The following SFMBT2 variants were observed in gnomAD, a reference collection of about 807,000 sequenced individuals.
SFMBT2 encodes Scm like with four mbt domains 2.
Under a neutral mutation model 110.1 loss-of-function variants are expected in SFMBT2, and 38 were observed. That is an observed-to-expected ratio of 0.35 (90% CI 0.27 to 0.45). The LOEUF is 0.45. SFMBT2 is among the 20% of genes least tolerant of loss of function. The pLI is 1.00. For missense variants in SFMBT2, 1,011 were observed against 1,094.9 expected (o/e 0.92, Z 1.08); for synonymous variants, 425 against 425.4 (o/e 1.00, Z 0.01).
chr10:7,177,113 C>T (rs541445425), intron 16 of SFMBT2, among the ~76,000 whole-genome samples: 2 of 152,264 alleles, frequency 1.3e-5, no homozygotes, highest in East Asian at 3.9e-4. Context: ...CGGTTGCTTT[C>T]TCCGAAGCAG....
rs7089272 is a variant in SFMBT2 at position 7,215,614 on chromosome 10, A to G, written c.1330+4797T>C. ...GCAATCAGAACCTGGGTTCACCTGC[A>G]TGGCTCACATCCATGGAGGCAGGGC... On this transcript the variant is annotated intron_variant, in intron 11 of 20. Coordinates refer to ENST00000397167, the MANE Select transcript of SFMBT2 (RefSeq NM_001387889.1). 5.1e-4 allele frequency: 499 copies of G among 985,436 alleles called. No individual in the cohort carries two copies. The African/African-American group carries it at 8.3e-3, about 16-fold the overall frequency. 61.0% of individuals were successfully genotyped at this position (985,436 alleles called of 1,614,324 possible). A position where few individuals can be genotyped will look rare whatever the true frequency, so the allele number is the denominator to read the frequency against.
chr10:7,377,181 A>G (rs1438397007), intron 2 of SFMBT2, among the ~76,000 whole-genome samples: 1 of 150,966 alleles, frequency 6.6e-6, no homozygotes, highest in Non-Finnish European at 1.5e-5. Flanking sequence ...AAAAAAAAAA[A>G]AAAAAAAAAA....
chr10:7,364,969 T>C (rs994731865), intron 4 of SFMBT2, among the ~76,000 whole-genome samples: 5 of 152,202 alleles, frequency 3.3e-5, no homozygotes, highest in African/African-American at 9.7e-5. Context: ...TCAGAAATCA[T>C]AGGTAAATTA....
chr10:7,194,942 T>C (rs1031563282), intron 15 of SFMBT2, among the ~76,000 whole-genome samples: 1 of 152,174 alleles, frequency 6.6e-6, no homozygotes, highest in Non-Finnish European at 1.5e-5. Context: ...GGTCATCTTG[T>C]GTGTTAACAG....
intron 12 of SFMBT2, chr10:7,203,577 G>T (rs888035793): frequency 1.9e-6 from 1 of 517,886 alleles, no homozygotes; most frequent in Non-Finnish European, 2.5e-6. Context: ...ATGTGAAGAG[G>T]GGAGGAAGAG....
Position 7,326,768 on chromosome 10 carries a change from C to T in SFMBT2, c.437-40814G>A, listed in dbSNP as rs1235112126. The stretch of plus-strand genomic sequence containing the variant: ...ACTCTCTAAAAAGTTCACTGGAAAA[C>T]GAAAACCTCAAATCTCTGGCTCTTT... On this transcript the variant is annotated intron_variant, in intron 4 of 20. Coordinates refer to ENST00000397167, the MANE Select transcript of SFMBT2 (RefSeq NM_001387889.1). Among the ~76,000 whole-genome samples, 11 of 152,132 alleles carry T rather than the reference C, an allele frequency of 7.2e-5. No individual in the cohort carries two copies. The East Asian group carries it at 9.6e-4, about 13-fold the overall frequency.
At chr10:7,233,712 C>G (rs531911176) in intron 9 of SFMBT2, among the ~76,000 whole-genome samples, 3 of 152,192 alleles carry the variant, frequency 2.0e-5, no homozygotes, top group Non-Finnish European at 4.4e-5. Context: ...TTTGCAATGC[C>G]TTACTCTTCC....
intron 4 of SFMBT2, among the ~76,000 whole-genome samples, chr10:7,357,234 T>C (rs1844549318): frequency 6.6e-6 from 1 of 152,084 alleles, no homozygotes. Context: ...GGGTTAATTT[T>C]ATGCATCAAC....
chr10:7,375,768 C>T (rs1156344349), intron 2 of SFMBT2, among the ~76,000 whole-genome samples: 1 of 148,400 alleles, frequency 6.7e-6, no homozygotes, highest in Non-Finnish European at 1.5e-5. Flanking sequence ...CACACACACA[C>T]ACACACACAC....
rs1278713442 is a variant in SFMBT2 at position 7,197,557 on chromosome 10, A to G, written c.1689T>C (p.Val563=). The G allele has an allele frequency of 6.2e-7, 1 of 1,614,160 alleles. No homozygotes were observed. The highest frequency in any genetic ancestry group is 1.7e-5 in the Admixed American group (1 of 60,016). The change falls in exon 15 of 21, where the codon GTT becomes GTC. Residue 563 remains valine, a synonymous_variant. Coordinates refer to ENST00000397167, the MANE Select transcript of SFMBT2 (RefSeq NM_001387889.1). ...QSVGPGKCVL[V]LKEVLSMIIN... is the part of the protein sequence containing the mutation. The stretch of plus-strand genomic sequence containing the variant: ...TGTGCACGGGCTTTACCTCTTTAAG[A>G]ACCAGCACGCATTTGCCCGGTCCCA...
rs1462090324 is a variant in SFMBT2 at position 7,189,059 on chromosome 10, T to C, written c.1699-326A>G. The C allele has an allele frequency of 5.5e-6, 4 of 722,690 alleles. No individual in the cohort carries two copies. In the East Asian group the frequency reaches 5.2e-4, roughly 95 times the overall value. 44.8% of individuals were successfully genotyped at this position (722,690 alleles called of 1,614,324 possible). A position where few individuals can be genotyped will look rare whatever the true frequency, so the allele number is the denominator to read the frequency against. On this transcript the variant is annotated intron_variant, in intron 15 of 20. Coordinates refer to ENST00000397167, the MANE Select transcript of SFMBT2 (RefSeq NM_001387889.1). The stretch of plus-strand genomic sequence containing the variant: ...TTCACCAAAGAGCAATTTATTGTAC[T>C]TCAACAGGATTACTCTTCAGTTGGA...
chr10:7,255,533 T>C (rs1564407479), intron 7 of SFMBT2, among the ~76,000 whole-genome samples: 1 of 152,242 alleles, frequency 6.6e-6, no homozygotes, highest in Non-Finnish European at 1.5e-5. Flanking sequence ...TACCCATTTT[T>C]ATTTTTGCCC....
intron 4 of SFMBT2, among the ~76,000 whole-genome samples, chr10:7,289,497 G>C (rs1202120981): frequency 2.0e-5 from 3 of 152,162 alleles, no homozygotes; most frequent in African/African-American, 7.2e-5. Flanking sequence ...AGTTCCCAGA[G>C]GTCCTATAGC....
intron 1 of SFMBT2, among the ~76,000 whole-genome samples, chr10:7,394,639 G>A (rs1845874636): frequency 6.6e-6 from 1 of 151,302 alleles, no homozygotes; most frequent in Non-Finnish European, 1.5e-5. Flanking sequence ...TAATGGTCTT[G>A]CTTATTCCAA....
intron 7 of SFMBT2, among the ~76,000 whole-genome samples, chr10:7,274,101 T>G (rs1841690828): frequency 6.6e-6 from 1 of 152,210 alleles, no homozygotes; most frequent in Non-Finnish European, 1.5e-5. Context: ...ATGCAGCCCC[T>G]GCCCACATTT....
At chr10:7,326,382 GCC>G (rs1843385133) in intron 4 of SFMBT2, among the ~76,000 whole-genome samples, 1 of 152,092 alleles carries the variant, frequency 6.6e-6, no homozygotes. Flanking sequence ...GACATCCTTA[GCC>G]CCTGCCCAGG....
At chr10:7,216,313 GA>G (rs1839534870) in intron 11 of SFMBT2, among the ~76,000 whole-genome samples, 1 of 152,174 alleles carries the variant, frequency 6.6e-6, no homozygotes, top group South Asian at 2.1e-4. Context: ...GGAGATAACT[GA>G]ATCATGGGGG....
intron 2 of SFMBT2, among the ~76,000 whole-genome samples, chr10:7,377,723 T>C (rs1487752458): frequency 6.6e-6 from 1 of 152,056 alleles, no homozygotes. Flanking sequence ...CGGGCAGTAA[T>C]GTGAGCAATG....
At chr10:7,353,020 A>AAAATAAAT (rs143079709) in intron 4 of SFMBT2, among the ~76,000 whole-genome samples, 1 of 151,644 alleles carries the variant, frequency 6.6e-6, no homozygotes, top group African/African-American at 2.4e-5. Flanking sequence ...AAAATAAATA[A>AAAATAAAT]AAATAAATAA....
Sources: gnomAD v4.1 joint callset for allele counts (sites outside exome capture counted in the v4.1 genomes callset) on GRCh38, gnomAD v4.1.1 for gene constraint, MANE v1.5 for transcripts, NCBI Gene and HGNC (gene_info 2026-07-23, HGNC 2026-07-21) for gene names.